WWTR1: variants seen among roughly 807,000 people sequenced by gnomAD.
WWTR1 encodes WW domain-containing transcription regulator protein 1.
Under a neutral mutation model 40.1 loss-of-function variants are expected in WWTR1, and 13 were observed. The observed-to-expected ratio is 0.32, with a 90% CI of 0.21 to 0.52. The LOEUF is 0.52. Ranked by LOEUF, WWTR1 falls within the 20% of genes least tolerant of loss-of-function variation. WWTR1 has a pLI of 0.97. For missense variants in WWTR1, 436 were observed against 523.1 expected (o/e 0.83, Z 1.63); for synonymous variants, 230 against 210.1 (o/e 1.09, Z -0.82).
chr3:149,596,669 T>G (rs1296510050), intron 2 of WWTR1, among the ~76,000 whole-genome samples: 2 of 152,234 alleles, frequency 1.3e-5, no homozygotes, highest in East Asian at 3.8e-4. Flanking sequence ...TCACTCAGAC[T>G]TTGAAGCCAT....
upstream of WWTR1, among the ~76,000 whole-genome samples, chr3:149,661,755 C>T (rs865797513): frequency 9.2e-5 from 12 of 129,822 alleles, no homozygotes; most frequent in African/African-American, 2.9e-4. Context: ...TTTTTTGAGA[C>T]GGAGTCTTAC....
chr3:149,570,348 C>T (rs1006572124), intron 3 of WWTR1, among the ~76,000 whole-genome samples: 21 of 152,084 alleles, frequency 1.4e-4, no homozygotes, highest in Non-Finnish European at 3.1e-4. Context: ...GCAAGCGGAT[C>T]GCCAGGGGTC....
chr3:149,595,565 G>T (rs2108039676), intron 2 of WWTR1, among the ~76,000 whole-genome samples: 1 of 152,108 alleles, frequency 6.6e-6, no homozygotes, highest in South Asian at 2.1e-4. Context: ...ATCTAGGCAA[G>T]GGGTATATGG....
chr3:149,546,374 T>C (rs948587134), intron 3 of WWTR1, among the ~76,000 whole-genome samples: 5 of 152,252 alleles, frequency 3.3e-5, no homozygotes, highest in Admixed American at 6.5e-5. Context: ...GTGGGAGATA[T>C]GGTCCACCCA....
At chr3:149,688,828 C>T (rs1426324271) in intron 1 of WWTR1, among the ~76,000 whole-genome samples, 1 of 152,056 alleles carries the variant, frequency 6.6e-6, no homozygotes, top group Non-Finnish European at 1.5e-5. Flanking sequence ...CCAGAGTGAC[C>T]GAGACATGCG....
chr3:149,576,278 T>C, intron 2 of WWTR1: 1 of 352,678 alleles, frequency 2.8e-6, no homozygotes, highest in Non-Finnish European at 5.6e-6. Flanking sequence ...ATCTGAAAAC[T>C]AAATTCTCCT....
chr3:149,697,852 T>C (rs1403288056), intron 1 of WWTR1, among the ~76,000 whole-genome samples: 1 of 152,202 alleles, frequency 6.6e-6, no homozygotes, highest in Non-Finnish European at 1.5e-5. Context: ...TGGGTAAACA[T>C]TCCTATTCCA....
chr3:149,622,604 A>G (rs1195960060), intron 2 of WWTR1, among the ~76,000 whole-genome samples: 1 of 152,054 alleles, frequency 6.6e-6, no homozygotes, highest in Non-Finnish European at 1.5e-5. Context: ...TAATCCCAAC[A>G]TTTTGAGAGG....
chr3:149,609,468 A>T (rs1739636177), intron 2 of WWTR1, among the ~76,000 whole-genome samples: 2 of 152,230 alleles, frequency 1.3e-5, no homozygotes. Context: ...ACATTTTTAA[A>T]TAATTGTAAC....
chr3:149,536,101 A>C (rs1415658064), intron 4 of WWTR1, among the ~76,000 whole-genome samples: 1 of 152,182 alleles, frequency 6.6e-6, no homozygotes, highest in East Asian at 1.9e-4. Flanking sequence ...AAAATGGATT[A>C]TTTCTGGGAC....
At chr3:149,555,094 T>C (rs1193615755) in intron 3 of WWTR1, among the ~76,000 whole-genome samples, 1 of 152,226 alleles carries the variant, frequency 6.6e-6, no homozygotes, top group Non-Finnish European at 1.5e-5. Context: ...CTTTCCTGAA[T>C]CATTTTAAAA....
intron 2 of WWTR1, among the ~76,000 whole-genome samples, chr3:149,639,197 A>G (rs888482647): frequency 1.3e-5 from 2 of 152,120 alleles, no homozygotes; most frequent in Non-Finnish European, 2.9e-5. Context: ...CTAAGACTAA[A>G]ATTATCTTGG....
intron 1 of WWTR1, among the ~76,000 whole-genome samples, chr3:149,696,311 C>T (rs955557306): frequency 2.6e-5 from 4 of 151,964 alleles, no homozygotes; most frequent in African/African-American, 9.7e-5. Flanking sequence ...CAAGGTTGTA[C>T]CTGGAAAGAC....
Position 149,520,843 on chromosome 3 carries a change from C to A in WWTR1, c.1165G>T (p.Ala389Ser). The A allele has an allele frequency of 6.2e-7, 1 of 1,611,160 alleles. No homozygotes were observed. The highest frequency in any genetic ancestry group is 8.5e-7 in the Non-Finnish European group (1 of 1,178,992). The change falls in exon 7 of 7, where the codon GCT (alanine) becomes TCT (serine). Residue 389 changes from alanine to serine, a missense_variant. Physicochemically the swap from Ala to Ser is moderately conservative, Grantham distance 99. Transcript: ENST00000360632. The part of the protein sequence containing the change: ...LIPLFNDVES[A>S]LNKSEPFLTW... ...AGAAAGGGCTCACTTTTGTTCAGAG[C>A]AGACTCTACATCATTGAAGAGGGGG...
intron 1 of WWTR1, among the ~76,000 whole-genome samples, chr3:149,680,161 A>G (rs985724982): frequency 3.9e-5 from 6 of 152,224 alleles, no homozygotes; most frequent in Admixed American, 3.9e-4. Context: ...TGTGACAGGT[A>G]TAAATGGAGA....
chr3:149,683,110 G>T (rs142757390), intron 1 of WWTR1, among the ~76,000 whole-genome samples: 96 of 152,300 alleles, frequency 6.3e-4, no homozygotes, highest in African/African-American at 2.2e-3. Flanking sequence ...CAAAGAGTGC[G>T]ACTGCCAAGT....
chr3:149,632,946 GT>G (rs1181051217), intron 2 of WWTR1, among the ~76,000 whole-genome samples: 1 of 152,230 alleles, frequency 6.6e-6, no homozygotes, highest in Non-Finnish European at 1.5e-5. Context: ...TATCTAGTTA[GT>G]TGGGGCTTCT....
chr3:149,524,612 G>A (rs1269450179), intron 6 of WWTR1, among the ~76,000 whole-genome samples: 1 of 152,132 alleles, frequency 6.6e-6, no homozygotes, highest in Non-Finnish European at 1.5e-5. Context: ...AACTATTCCT[G>A]TGTCACTCCT....
At position 149,535,514 on chromosome 3, in the gene WWTR1, C is replaced by T. The variant is rs913757621; in HGVS notation, c.771+6821G>A. On this transcript the variant is annotated intron_variant, in intron 4 of 6. Coordinates refer to ENST00000360632, the MANE Select transcript of WWTR1 (RefSeq NM_015472.6). ...ATGCTCAGCTGCCAGACTGTCCCTA[C>T]AAAAGAACAATCGAAACTGCGATAC... 8.5e-5 allele frequency among the ~76,000 whole-genome samples: 13 copies of T among 152,204 alleles called. 1 individual carries two copies. Among genetic ancestry groups the T allele is most frequent in the Admixed American group, 5.9e-4 (9 of 15,286 alleles).
Sources: allele counts gnomAD v4.1 joint callset (sites outside exome capture counted in the v4.1 genomes callset), GRCh38; gene constraint gnomAD v4.1.1; transcripts MANE v1.5; gene names NCBI Gene and HGNC (gene_info 2026-07-23, HGNC 2026-07-21).